DGKH: variants seen among roughly 807,000 people sequenced by gnomAD.
DGKH encodes the protein diacylglycerol kinase eta.
A neutral mutation model predicts 159.3 loss-of-function variants in DGKH; 90 were observed. The observed-to-expected ratio is 0.57, with a 90% CI of 0.48 to 0.67. The LOEUF (loss-of-function observed/expected upper bound fraction) is 0.67. Among genes scored for constraint, DGKH ranks in the 30% least tolerant of loss-of-function variants. The pLI is 0.00. For synonymous variants in DGKH, 536 were observed against 553.8 expected, an observed-to-expected ratio of 0.97 and a Z score of 0.45; for missense variants, 1,181 against 1,506.1, an observed-to-expected ratio of 0.78 and a Z score of 3.57.
chr13:42,138,221 T>C (rs945126904), intron 3 of DGKH: 1 of 600,834 alleles, frequency 1.7e-6, no homozygotes, highest in Non-Finnish European at 2.1e-6. Flanking sequence ...TTGTTGGGAA[T>C]AGGCAAAGAA....
At chr13:42,145,772 TA>T (rs1312593485) in intron 3 of DGKH, among the ~76,000 whole-genome samples, 1 of 152,184 alleles carries the variant, frequency 6.6e-6, no homozygotes, top group Admixed American at 6.5e-5. Context: ...TAATGCTTTG[TA>T]ATAATCTAGC....
chr13:42,041,305 C>T (rs1482469062), intron 1 of DGKH, among the ~76,000 whole-genome samples: 2 of 152,128 alleles, frequency 1.3e-5, no homozygotes, highest in Non-Finnish European at 2.9e-5. Flanking sequence ...TTTTCCCTGT[C>T]GAGACCGCGC....
At chr13:42,102,019 T>A (rs746998112) in intron 1 of DGKH, among the ~76,000 whole-genome samples, 10 of 152,178 alleles carry the variant, frequency 6.6e-5, no homozygotes, top group Non-Finnish European at 1.3e-4. Context: ...GAAATCACAT[T>A]CCTTAGTGAA....
At chr13:42,053,855 T>A (rs1222744731) in intron 1 of DGKH, among the ~76,000 whole-genome samples, 1 of 152,054 alleles carries the variant, frequency 6.6e-6, no homozygotes, top group East Asian at 1.9e-4. Context: ...CTCTTGACCT[T>A]GTGATCCACC....
upstream of DGKH, among the ~76,000 whole-genome samples, chr13:42,047,140 CCT>C (rs939229419): frequency 1.7e-4 from 26 of 152,308 alleles, 1 homozygote; most frequent in East Asian, 1.2e-3. Context: ...GCAGAAATAG[CCT>C]CTCTGTTATT....
intron 20 of DGKH, among the ~76,000 whole-genome samples, chr13:42,203,611 A>AAT (rs952576110): frequency 2.0e-5 from 3 of 152,112 alleles, no homozygotes; most frequent in Non-Finnish European, 1.5e-5. Context: ...ACTAATGAGA[A>AAT]ATATATATAT....
chr13:42,158,355 T>C (rs752734992), intron 5 of DGKH, among the ~76,000 whole-genome samples: 1 of 152,220 alleles, frequency 6.6e-6, no homozygotes, highest in Non-Finnish European at 1.5e-5. Flanking sequence ...CTCTCTACTT[T>C]TAACTGTTTA....
intron 1 of DGKH, among the ~76,000 whole-genome samples, chr13:42,053,629 TA>T (rs1243246196): frequency 1.4e-5 from 2 of 142,142 alleles, no homozygotes; most frequent in East Asian, 2.2e-4. Context: ...TATATATATA[TA>T]TTTTTTTGAG....
intron 13 of DGKH, among the ~76,000 whole-genome samples, chr13:42,186,010 GGTGTGTGTGTGTGTGTGT>G (rs3039205): frequency 1.5e-5 from 2 of 132,390 alleles, no homozygotes; most frequent in South Asian, 2.3e-4. Flanking sequence ...TGGTGGTGGT[GGTGTGTGTGTGTGTGTGT>G]GTGTGTGTGT....
chr13:42,056,915 AT>A (rs1355977829), intron 1 of DGKH, among the ~76,000 whole-genome samples: 1 of 152,044 alleles, frequency 6.6e-6, no homozygotes, highest in African/African-American at 2.4e-5. Context: ...ATCCATGAGC[AT>A]ATCTCTCATC....
intron 1 of DGKH, among the ~76,000 whole-genome samples, chr13:42,049,963 G>A (rs1427520568): frequency 6.6e-6 from 1 of 152,160 alleles, no homozygotes; most frequent in Non-Finnish European, 1.5e-5. Context: ...AAAATCATTG[G>A]CTTGGGGTAC....
intron 15 of DGKH, among the ~76,000 whole-genome samples, chr13:42,189,911 G>A (rs537850057): frequency 3.9e-5 from 6 of 151,924 alleles, no homozygotes; most frequent in Admixed American, 1.3e-4. Flanking sequence ...CAAGTGATTC[G>A]TCCACCTCAG....
rs1957961683 is a variant in DGKH, at chr13:42,221,197, C to G, written c.3443-67C>G. On this transcript the variant is annotated intron_variant, in intron 28 of 29. Transcript: ENST00000337343. Reference sequence around the variant, plus strand: ...GCACTCTGTTTTGCATCTTCTTTGGCCAACCTTTGCTTTGTAATGCATTGA... The same window carrying G: ...GCACTCTGTTTTGCATCTTCTTTGGGCAACCTTTGCTTTGTAATGCATTGA... The G allele has an allele frequency of 3.5e-5, 56 of 1,578,676 alleles. 1 individual carries two copies. The South Asian group carries it at 5.8e-4, about 16-fold the overall frequency.
At chr13:42,044,575 C>G (rs1170473904), upstream of DGKH, among the ~76,000 whole-genome samples, 1 of 152,274 alleles carries the variant, frequency 6.6e-6, no homozygotes, top group East Asian at 1.9e-4. Context: ...AGGAGTGAGC[C>G]ACTGCGCCCG....
rs545567371 is a variant in DGKH, at chr13:42,187,052, G to T, written c.1542G>T (p.Thr514=). The part of the protein sequence containing the change: ...EHAVVISSAK[T]LCETVKDFVA... The stretch of plus-strand genomic sequence containing the variant: ...GTACAACTTCTTTTCCTCAAAGGAC[G>T]CTATGTGAAACTGTAAAGGACTTCG... The change falls in exon 14 of 30, where the codon ACG becomes ACT. Residue 514 remains threonine, a synonymous_variant. Transcript: ENST00000337343. 31 of 1,613,486 alleles carry T rather than the reference G, an allele frequency of 1.9e-5. No individual in the cohort carries two copies. The South Asian group carries it at 2.7e-4, about 14-fold the overall frequency.
At chr13:42,129,863 T>C (rs1955253719) in intron 3 of DGKH, among the ~76,000 whole-genome samples, 1 of 152,238 alleles carries the variant, frequency 6.6e-6, no homozygotes, top group Admixed American at 6.5e-5. Flanking sequence ...TTTTCCCTTT[T>C]AATTTTAGTG....
rs1363285069 is a variant in DGKH, at chr13:42,114,942, G to A, written c.193-12521G>A. 2.0e-5 allele frequency among the ~76,000 whole-genome samples: 3 copies of A among 152,158 alleles called. No homozygotes were observed. The South Asian group carries it at 6.2e-4, about 31-fold the overall frequency. ...AGTACCTTACTTCTGATACTTCATA[G>A]CATTTCGGAGTTTACAGGAGATATT... On this transcript the variant is annotated intron_variant, in intron 1 of 29. Transcript: ENST00000337343.
At chr13:42,179,222 G>C (rs545230387) in intron 13 of DGKH, among the ~76,000 whole-genome samples, 1 of 152,302 alleles carries the variant, frequency 6.6e-6, no homozygotes, top group South Asian at 2.1e-4. Flanking sequence ...GGGCAGTGCT[G>C]CAGGTTTCTG....
chr13:42,049,912 T>C (rs1294809012), intron 1 of DGKH, among the ~76,000 whole-genome samples: 3 of 152,236 alleles, frequency 2.0e-5, no homozygotes, highest in African/African-American at 7.2e-5. Flanking sequence ...GAGTCTGTTA[T>C]CAGTAGGGAA....
Sources: allele counts gnomAD v4.1 joint callset (sites outside exome capture counted in the v4.1 genomes callset), GRCh38; gene constraint gnomAD v4.1.1; transcripts MANE v1.5; gene names NCBI Gene and HGNC (gene_info 2026-07-23, HGNC 2026-07-21).